CHST11: variants seen among roughly 807,000 people sequenced by gnomAD.
The protein encoded by CHST11 is carbohydrate sulfotransferase 11, also known as C4S-1.
In CHST11, 9 loss-of-function variants were observed where a neutral mutation model predicts 30.4. The ratio of observed to expected loss-of-function variants is 0.30; its 90% CI spans 0.18 to 0.52. The LOEUF (loss-of-function observed/expected upper bound fraction) is 0.52. Ranked by LOEUF, CHST11 falls within the 20% of genes least tolerant of loss-of-function variation. The pLI, the probability that CHST11 is intolerant of heterozygous loss-of-function variation, is 0.97. For missense variants in CHST11, 348 were observed against 460.6 expected, an observed-to-expected ratio of 0.76 and a Z score of 2.24; for synonymous variants, 152 against 187.8, an observed-to-expected ratio of 0.81 and a Z score of 1.56.
rs796356338 is a variant in CHST11 at position 104,462,167 on chromosome 12, C to CAAAA, written c.118+4653_118+4656dup. The stretch of plus-strand genomic sequence containing the variant: ...GGGCAACAAGAGTTAAACACCATCT[C>CAAAA]AAAAAAAAAAAAAAAAAAGAAAAAG... On this transcript the variant is annotated intron_variant, in intron 1 of 2. Coordinates refer to ENST00000303694, the MANE Select transcript of CHST11 (RefSeq NM_018413.6). Among the ~76,000 whole-genome samples, 98 of 65,580 alleles carry CAAAA rather than the reference C, an allele frequency of 1.5e-3. 2 individuals carry two copies. The highest frequency in any genetic ancestry group is 4.9e-3 in the African/African-American group (94 of 19,348). The allele number at this position is 65,580 out of a possible 152,430, so 43.0% of individuals were successfully genotyped here. A position where few individuals can be genotyped will look rare whatever the true frequency, so the allele number is the denominator to read the frequency against.
chr12:104,575,865 G>A (rs2038679436), intron 1 of CHST11, among the ~76,000 whole-genome samples: 4 of 151,990 alleles, frequency 2.6e-5, no homozygotes, highest in African/African-American at 9.7e-5. Flanking sequence ...CTCTGCCTGG[G>A]GAGTAGAGGA....
intron 2 of CHST11, among the ~76,000 whole-genome samples, chr12:104,745,206 C>G (rs2040380965): frequency 1.3e-5 from 2 of 152,138 alleles, no homozygotes; most frequent in South Asian, 4.1e-4. Flanking sequence ...GGAATCCTTT[C>G]CTCATTGTTT....
chr12:104,682,240 G>A (rs2039804565), intron 2 of CHST11, among the ~76,000 whole-genome samples: 1 of 152,182 alleles, frequency 6.6e-6, no homozygotes, highest in Non-Finnish European at 1.5e-5. Context: ...ACAGCACTGG[G>A]AACAGCAAAT....
intron 1 of CHST11, among the ~76,000 whole-genome samples, chr12:104,534,535 T>C (rs1689947872): frequency 6.6e-6 from 1 of 152,240 alleles, no homozygotes; most frequent in Admixed American, 6.5e-5. Context: ...AATTCGTTCT[T>C]ATCACATTAC....
intron 2 of CHST11, among the ~76,000 whole-genome samples, chr12:104,690,694 G>T (rs1278638366): frequency 6.6e-6 from 1 of 152,068 alleles, no homozygotes; most frequent in Non-Finnish European, 1.5e-5. Context: ...CTGGGCATGG[G>T]GGCATACGCC....
intron 1 of CHST11, among the ~76,000 whole-genome samples, chr12:104,548,034 C>G (rs1247291986): frequency 6.6e-6 from 1 of 152,194 alleles, no homozygotes; most frequent in East Asian, 1.9e-4. Context: ...CACCTTCAGA[C>G]TTTCTGAAAT....
chr12:104,711,819 T>G (rs2040091009), intron 2 of CHST11, among the ~76,000 whole-genome samples: 2 of 152,108 alleles, frequency 1.3e-5, no homozygotes, highest in African/African-American at 4.8e-5. Flanking sequence ...GGCTCAGGAT[T>G]TTACAAACTT....
chr12:104,686,137 G>A (rs1016492241), intron 2 of CHST11, among the ~76,000 whole-genome samples: 9 of 151,478 alleles, frequency 5.9e-5, no homozygotes, highest in African/African-American at 2.2e-4. Context: ...GAAGCCTGAG[G>A]CAGGAGAATC....
intron 2 of CHST11, among the ~76,000 whole-genome samples, chr12:104,650,370 G>A (rs937221363): frequency 3.9e-5 from 6 of 152,058 alleles, no homozygotes; most frequent in Admixed American, 1.3e-4. Flanking sequence ...TGGGTTTGGC[G>A]GATTTGTTTG....
At chr12:104,529,499 GACTTTAAAA>G in intron 1 of CHST11, among the ~76,000 whole-genome samples, 1 of 152,286 alleles carries the variant, frequency 6.6e-6, no homozygotes, top group South Asian at 2.1e-4. Flanking sequence ...AAATAATGAT[GACTTTAAAA>G]AGATGTAAAT....
intron 2 of CHST11, among the ~76,000 whole-genome samples, chr12:104,640,919 C>T (rs188453027): frequency 7.5e-4 from 114 of 152,244 alleles, no homozygotes; most frequent in South Asian, 4.2e-4. Flanking sequence ...CCTGTTTTCC[C>T]GCTCAAATGT....
chr12:104,558,800 A>G (rs2038485031), intron 1 of CHST11, among the ~76,000 whole-genome samples: 1 of 152,008 alleles, frequency 6.6e-6, no homozygotes, highest in Non-Finnish European at 1.5e-5. Context: ...TGGCCTCCCA[A>G]GGTGCTGGGA....
At chr12:104,641,426 C>T (rs576510821) in intron 2 of CHST11, among the ~76,000 whole-genome samples, 21 of 152,260 alleles carry the variant, frequency 1.4e-4, no homozygotes, top group African/African-American at 3.1e-4. Context: ...GTACAGAGTT[C>T]GCTCTTGCTG....
intron 2 of CHST11, among the ~76,000 whole-genome samples, chr12:104,642,236 T>C (rs1171013344): frequency 6.6e-6 from 1 of 152,138 alleles, no homozygotes; most frequent in Non-Finnish European, 1.5e-5. Context: ...TGGGATCCTG[T>C]GCAGCCTTTA....
chr12:104,577,535 C>T (rs1420605183), intron 1 of CHST11, among the ~76,000 whole-genome samples: 1 of 152,068 alleles, frequency 6.6e-6, no homozygotes, highest in Non-Finnish European at 1.5e-5. Context: ...CTTTCTTAGG[C>T]AACTTAACTT....
At chr12:104,562,173 C>A (rs943496794) in intron 1 of CHST11, among the ~76,000 whole-genome samples, 1 of 152,082 alleles carries the variant, frequency 6.6e-6, no homozygotes, top group Non-Finnish European at 1.5e-5. Flanking sequence ...CACTGTCATC[C>A]ACCCGAAATG....
intron 2 of CHST11, among the ~76,000 whole-genome samples, chr12:104,604,379 C>CT (rs2038983802): frequency 6.6e-6 from 1 of 152,188 alleles, no homozygotes; most frequent in South Asian, 2.1e-4. Flanking sequence ...GGAAATGTAG[C>CT]TGCAGGAAAA....
intron 2 of CHST11, among the ~76,000 whole-genome samples, chr12:104,629,168 G>A (rs75703672): frequency 0.15 from 22,181 of 152,182 alleles, 1,999 homozygotes; most frequent in Admixed American, 0.22. Flanking sequence ...CTTACTAGCT[G>A]TATTTGTTTC....
chr12:104,673,309 A>G (rs2039712825), intron 2 of CHST11, among the ~76,000 whole-genome samples: 1 of 152,222 alleles, frequency 6.6e-6, no homozygotes, highest in Non-Finnish European at 1.5e-5. Context: ...GGTACCATTC[A>G]GCCTACTGTA....
Sources: gnomAD v4.1 joint callset for allele counts (sites outside exome capture counted in the v4.1 genomes callset) on GRCh38, gnomAD v4.1.1 for gene constraint, MANE v1.5 for transcripts, NCBI Gene and HGNC (gene_info 2026-07-23, HGNC 2026-07-21) for gene names.